The following STX18 variants were observed in gnomAD, a reference collection of about 807,000 sequenced individuals.
The protein encoded by STX18 is syntaxin 18, also known as syntaxin-18.
In STX18, 40 loss-of-function variants were observed where a neutral mutation model predicts 50.1. That is an observed-to-expected ratio of 0.80 (90% CI 0.62 to 1.04). STX18 has a LOEUF of 1.04. Ranked by LOEUF, STX18 falls within the 50% of genes least tolerant of loss-of-function variation. STX18 has a pLI of 0.00. For missense variants in STX18, 410 were observed against 415.8 expected (o/e 0.99, Z 0.12); for synonymous variants, 158 against 151.8 (o/e 1.04, Z -0.30).
intron 1 of STX18, 148 bp from the exon 2 acceptor site, chr4:4,471,854 A>G (rs920326530): frequency 1.8e-6 from 1 of 551,498 alleles, no homozygotes; most frequent in Non-Finnish European, 3.2e-6. Flanking sequence ...TCGTACAGTC[A>G]CAAATTAGTT....
intron 1 of STX18, among the ~76,000 whole-genome samples, chr4:4,501,178 A>G (rs1218561721): frequency 6.6e-6 from 1 of 152,222 alleles, no homozygotes; most frequent in Non-Finnish European, 1.5e-5. Context: ...ATACCAGAGT[A>G]TTTTTGTTCA....
intron 1 of STX18, among the ~76,000 whole-genome samples, chr4:4,472,644 A>G (rs1727979439): frequency 6.6e-6 from 1 of 152,210 alleles, no homozygotes; most frequent in Non-Finnish European, 1.5e-5. Flanking sequence ...GCACTCAATT[A>G]TTCATGGCCA....
intron 7 of STX18, among the ~76,000 whole-genome samples, chr4:4,429,366 T>C (rs1380419184): frequency 1.3e-5 from 2 of 152,248 alleles, no homozygotes; most frequent in Non-Finnish European, 2.9e-5. Context: ...ATTGTGAATA[T>C]ATTGTTATAG....
intron 1 of STX18, among the ~76,000 whole-genome samples, chr4:4,519,923 G>C (rs1730438727): frequency 6.6e-6 from 1 of 152,168 alleles, no homozygotes; most frequent in African/African-American, 2.4e-5. Context: ...GGATTGGTGA[G>C]CCAAGCCAAA....
chr4:4,527,409 T>C lies in STX18; in HGVS notation c.168+14388A>G, dbSNP rs572286157. Among the ~76,000 whole-genome samples the C allele has an allele frequency of 1.1e-4, 16 of 152,336 alleles. No individual in the cohort carries two copies. In the South Asian group the frequency reaches 3.3e-3, roughly 32 times the overall value. On this transcript the variant is annotated intron_variant, in intron 1 of 10. Transcript: ENST00000306200. ...GTTAAAATTAAATGTAATTTCCTTA[T>C]TACTTTAATGGAAACTTTTGGAGTT...
intron 1 of STX18, among the ~76,000 whole-genome samples, chr4:4,506,913 A>G (rs1729735470): frequency 6.6e-6 from 1 of 152,232 alleles, no homozygotes. Context: ...AAACTGGAAA[A>G]TTAAACTGTG....
In STX18 at chr4:4,487,400, G is replaced by T. The variant is rs192810385; in HGVS notation, c.169-15694C>A. On this transcript the variant is annotated intron_variant, in intron 1 of 10. Transcript: ENST00000306200. ...ATTGAACATTTAGTGTTTCCTATGT[G>T]TCGGACACCATGTTAAACCCATTGT... Among the ~76,000 whole-genome samples, 3 of 152,246 alleles carry T rather than the reference G, an allele frequency of 2.0e-5. No individual in the cohort carries two copies. The East Asian group carries it at 5.8e-4, about 29-fold the overall frequency.
At chr4:4,509,013 G>T (rs545432163) in intron 1 of STX18, among the ~76,000 whole-genome samples, 48 of 152,312 alleles carry the variant, frequency 3.2e-4, no homozygotes, top group African/African-American at 1.0e-3. Flanking sequence ...GAATAGTGCT[G>T]CAGTGAATGT....
intron 1 of STX18, among the ~76,000 whole-genome samples, chr4:4,487,657 CT>C (rs888673775): frequency 6.6e-6 from 1 of 152,194 alleles, no homozygotes; most frequent in Admixed American, 6.5e-5. Flanking sequence ...CGCCTCCCCC[CT>C]GCCAAACCCA....
intron 8 of STX18, 134 bp downstream of exon 8, chr4:4,425,030 T>C: frequency 1.3e-6 from 1 of 781,268 alleles, no homozygotes. Context: ...CCCAGCCCAG[T>C]CAAAATGGCT....
In STX18 at chr4:4,542,028, G is replaced by T; in HGVS notation, c.-64C>A. 2 of 1,471,556 alleles carry T rather than the reference G, an allele frequency of 1.4e-6. No individual in the cohort carries two copies. The highest frequency in any genetic ancestry group is 2.8e-5 in the South Asian group (2 of 72,594). 91.2% of individuals were successfully genotyped at this position (1,471,556 alleles called of 1,614,324 possible). The stretch of plus-strand genomic sequence containing the variant: ...CGTAAGCAGCCGGCGACCGCGGCGC[G>T]AACCCGGCCGCTGAAGGACTGGTCC... On this transcript the variant is annotated 5_prime_UTR_variant, in exon 1 of 11. Transcript: ENST00000306200.
In STX18 at chr4:4,419,550, G is replaced by A. The variant is rs904862063; in HGVS notation, c.*484C>T. On this transcript the variant is annotated 3_prime_UTR_variant, in exon 11 of 11. Transcript: ENST00000306200. ...CTCTTCTATAATCCAGTAAGTCTGT[G>A]TATTCGTTGACTCAGACAGACAAGA... 1 of 153,726 alleles carries A rather than the reference G, an allele frequency of 6.5e-6. No individual in the cohort carries two copies. The highest frequency in any genetic ancestry group is 2.4e-5 in the African/African-American group (1 of 41,488). 9.5% of individuals were successfully genotyped at this position (153,726 alleles called of 1,614,324 possible).
chr4:4,425,121 TTGTAAAGC>T, intron 8 of STX18, 35 bp downstream of exon 8: 1 of 1,580,848 alleles, frequency 6.3e-7, no homozygotes, highest in South Asian at 1.1e-5. Context: ...CCTGGAAAAG[TTGTAAAGC>T]AGGCTATCAG....
intron 2 of STX18, among the ~76,000 whole-genome samples, chr4:4,470,253 T>C (rs1727845578): frequency 6.6e-6 from 1 of 151,990 alleles, no homozygotes; most frequent in Non-Finnish European, 1.5e-5. Context: ...TTGTGGAGAG[T>C]TGTCCTGAGT....
intron 5 of STX18, among the ~76,000 whole-genome samples, chr4:4,445,744 A>C (rs960645056): frequency 6.6e-6 from 1 of 152,108 alleles, no homozygotes; most frequent in African/African-American, 2.4e-5. Context: ...AGATGTTAAG[A>C]TGTCCATTCT....
intron 7 of STX18, among the ~76,000 whole-genome samples, chr4:4,429,557 C>T (rs1725421320): frequency 6.6e-6 from 1 of 152,202 alleles, no homozygotes; most frequent in Admixed American, 6.5e-5. Context: ...TCAGGAGTCC[C>T]CTGCCCAGCC....
intron 1 of STX18, among the ~76,000 whole-genome samples, chr4:4,537,117 G>GC (rs903924725): frequency 2.0e-5 from 3 of 152,058 alleles, no homozygotes; most frequent in South Asian, 2.1e-4. Flanking sequence ...CTGTGTGGTA[G>GC]CCCCCCCTGG....
chr4:4,529,123 G>T (rs550178561), intron 1 of STX18, among the ~76,000 whole-genome samples: 1 of 152,120 alleles, frequency 6.6e-6, no homozygotes, highest in East Asian at 1.9e-4. Context: ...CAGCACTTTC[G>T]GAGGCTGAGA....
intron 1 of STX18, among the ~76,000 whole-genome samples, chr4:4,490,333 A>T (rs2108863023): frequency 6.6e-6 from 1 of 152,312 alleles, no homozygotes; most frequent in South Asian, 2.1e-4. Flanking sequence ...GTATTACTCT[A>T]ATAGAACAGA....
Sources: gnomAD v4.1 joint callset for allele counts (sites outside exome capture counted in the v4.1 genomes callset) on GRCh38, gnomAD v4.1.1 for gene constraint, MANE v1.5 for transcripts, NCBI Gene and HGNC (gene_info 2026-07-23, HGNC 2026-07-21) for gene names.